The following ADAMTS18 variants were observed in gnomAD, a reference collection of about 807,000 sequenced individuals.
The protein encoded by ADAMTS18 is ADAM metallopeptidase with thrombospondin type 1 motif 18, also known as A disintegrin and metalloproteinase with thrombospondin motifs 18.
ADAMTS18 carries 157 observed loss-of-function variants against 165.9 expected under a neutral mutation model. That is an observed-to-expected ratio of 0.95 (90% confidence interval 0.83 to 1.08). The LOEUF (loss-of-function observed/expected upper bound fraction) is 1.08, where lower values mean the gene tolerates loss of function less well. Ranked by LOEUF, ADAMTS18 falls within the 50% of genes least tolerant of loss-of-function variation. The probability of loss-of-function intolerance (pLI) is 0.00; values close to 1 mark genes in which losing one functional copy is unlikely to be tolerated. For synonymous variants in ADAMTS18, 782 were observed against 578.2 expected (o/e 1.35, Z -5.06); for missense variants, 2,040 against 1,534.0 (o/e 1.33, Z -5.51).
chr16:77,363,750 T>G, intron 6 of ADAMTS18, 52 bp downstream of exon 6: 5 of 1,543,824 alleles, frequency 3.2e-6, no homozygotes, highest in Non-Finnish European at 3.6e-6. Context: ...GTTCAAGAAA[T>G]GTATTCTGAA....
At chr16:77,340,775 G>C (rs923258467) in intron 11 of ADAMTS18, among the ~76,000 whole-genome samples, 1 of 151,836 alleles carries the variant, frequency 6.6e-6, no homozygotes. Flanking sequence ...GTCTCGCTGT[G>C]TTACCTGTTC....
intron 9 of ADAMTS18, among the ~76,000 whole-genome samples, chr16:77,355,076 G>C (rs190783189): frequency 6.6e-6 from 1 of 152,024 alleles, no homozygotes; most frequent in East Asian, 1.9e-4. Context: ...ATACACAGTG[G>C]TACAGGTTAA....
intron 3 of ADAMTS18, among the ~76,000 whole-genome samples, chr16:77,417,969 A>G (rs939458179): frequency 1.3e-4 from 20 of 152,218 alleles, no homozygotes; most frequent in African/African-American, 4.8e-4. Flanking sequence ...GCAAAAGCCC[A>G]GAAACAGAAT....
chr16:77,342,327 A>G (rs1374546622), intron 10 of ADAMTS18, among the ~76,000 whole-genome samples: 3 of 152,254 alleles, frequency 2.0e-5, no homozygotes, highest in African/African-American at 4.8e-5. Flanking sequence ...TGCCTGGCAC[A>G]TGCAGTTCTC....
chr16:77,376,083 A>T (rs1265576621), intron 3 of ADAMTS18, among the ~76,000 whole-genome samples: 1 of 151,308 alleles, frequency 6.6e-6, no homozygotes, highest in African/African-American at 2.4e-5. Context: ...TTGTATTTTT[A>T]GTAAAGACGG....
At chr16:77,284,391 G>A (rs1417199763) in intron 22 of ADAMTS18, among the ~76,000 whole-genome samples, 1 of 152,104 alleles carries the variant, frequency 6.6e-6, no homozygotes, top group Admixed American at 6.6e-5. Flanking sequence ...GCCTCCCAAA[G>A]TACTGGGATT....
chr16:77,294,942 C>G lies in ADAMTS18; in HGVS notation c.2987G>C (p.Ser996Thr), dbSNP rs191328145. ...TGTTACCTGAGACCAGGGTCCAAGGCTCCATTGTGGAGGGCAGGCATGGCT... is the reference window on the plus strand; with the variant it reads ...TGTTACCTGAGACCAGGGTCCAAGGGTCCATTGTGGAGGGCAGGCATGGCT... ...CNSHACPPQW[S>T]LGPWSQCSKT... is the part of the protein sequence containing the mutation. Residue 996 changes from serine (S) to threonine (T), a missense_variant, in exon 19 of 23, where the codon AGC (serine) becomes ACC (threonine). Coordinates refer to ENST00000282849, the MANE Select transcript of ADAMTS18 (RefSeq NM_199355.4). The G allele has an allele frequency of 6.2e-7, 1 of 1,614,160 alleles. No individual in the cohort carries two copies. The highest frequency in any genetic ancestry group is 2.2e-5 in the East Asian group (1 of 44,872).
intron 21 of ADAMTS18, 99 bp from the exon 22 acceptor site, chr16:77,289,510 C>A: frequency 1.2e-5 from 17 of 1,410,732 alleles, no homozygotes; most frequent in Non-Finnish European, 1.7e-5. Flanking sequence ...AACAAGATGC[C>A]TGCTGATGAA....
In ADAMTS18 at chr16:77,282,925, T is replaced by TTTTTTTTTTTTTC. The variant is rs4038556; in HGVS notation, c.*1030_*1031insGAAAAAAAAAAAA. The TTTTTTTTTTTTTC allele has an allele frequency of 9.6e-5, 12 of 125,576 alleles. No homozygotes were observed. The highest frequency in any genetic ancestry group is 1.9e-4 in the Non-Finnish European group (11 of 56,636). 7.8% of individuals were successfully genotyped at this position (125,576 alleles called of 1,614,324 possible). A position where few individuals can be genotyped will look rare whatever the true frequency, so the allele number is the denominator to read the frequency against. ...TTCTCTCTTTTTTTTTTTTTTTTTT[T>TTTTTTTTTTTTTC]TGCTGTTAGCTCAATCCTAGGGCAA... On this transcript the variant is annotated 3_prime_UTR_variant, in exon 23 of 23. Transcript: ENST00000282849.
intron 3 of ADAMTS18, among the ~76,000 whole-genome samples, chr16:77,388,224 T>C (rs957147028): frequency 6.6e-6 from 1 of 152,150 alleles, no homozygotes; most frequent in African/African-American, 2.4e-5. Flanking sequence ...CTCAGCCTCC[T>C]GAGTCGCTGA....
chr16:77,423,473 T>C (rs117416474), intron 3 of ADAMTS18, among the ~76,000 whole-genome samples: 2,196 of 152,254 alleles, frequency 0.014, 34 homozygotes, highest in Non-Finnish European at 0.018. Flanking sequence ...ATAATATCAT[T>C]CTAACTATGC....
rs1597070785 is a variant in ADAMTS18 at position 77,283,831 on chromosome 16, C to T, written c.*125G>A. 9 of 754,238 alleles carry T rather than the reference C, an allele frequency of 1.2e-5. No individual in the cohort carries two copies. The highest frequency in any genetic ancestry group is 2.1e-5 in the Non-Finnish European group (9 of 428,182). The allele number at this position is 754,238 out of a possible 1,614,324, so 46.7% of individuals were successfully genotyped here. On this transcript the variant is annotated 3_prime_UTR_variant, in exon 23 of 23. Coordinates refer to ENST00000282849, the MANE Select transcript of ADAMTS18 (RefSeq NM_199355.4). The stretch of plus-strand genomic sequence containing the variant: ...ACCTGTCTGTTCCTCAGAGCAGGCT[C>T]CTTCATCACAGCGGCAGCTCACAGA...
intron 3 of ADAMTS18, among the ~76,000 whole-genome samples, chr16:77,388,500 G>A (rs949237675): frequency 3.9e-5 from 6 of 152,168 alleles, no homozygotes; most frequent in Non-Finnish European, 7.3e-5. Context: ...AAATGTGTGG[G>A]TTCAAATTCT....
intron 16 of ADAMTS18, among the ~76,000 whole-genome samples, chr16:77,317,361 A>C (rs1258224951): frequency 6.6e-6 from 1 of 151,978 alleles, no homozygotes; most frequent in Non-Finnish European, 1.5e-5. Flanking sequence ...ATGGAGTCTC[A>C]CTCACTCTTT....
intron 16 of ADAMTS18, among the ~76,000 whole-genome samples, chr16:77,314,649 G>GTGTATA (rs10527824): frequency 1.4e-3 from 179 of 126,496 alleles, no homozygotes; most frequent in African/African-American, 5.2e-3. Context: ...GTGTGTGTGT[G>GTGTATA]TATATATATA....
chr16:77,353,801 C>G lies in ADAMTS18; in HGVS notation c.1546G>C (p.Asp516His). ...YPDKLPGQIYDADTQCKWQFG... is the reference protein window; with the variant it reads ...YPDKLPGQIYHADTQCKWQFG... ...TGCCATTTACACTGTGTGTCAGCATCATAAATCTGTCCTGGTAGTTTGTCC... is the reference window on the plus strand; with the variant it reads ...TGCCATTTACACTGTGTGTCAGCATGATAAATCTGTCCTGGTAGTTTGTCC... The change falls in exon 10 of 23, where the codon GAT (aspartate) becomes CAT (histidine). Residue 516 changes from aspartate to histidine, a missense_variant. Transcript: ENST00000282849. 1.2e-6 allele frequency: 2 copies of G among 1,614,176 alleles called. No individual in the cohort carries two copies. Among genetic ancestry groups the G allele is most frequent in the Non-Finnish European group, 1.7e-6 (2 of 1,180,022 alleles).
intron 3 of ADAMTS18, among the ~76,000 whole-genome samples, chr16:77,374,479 A>T (rs1459336214): frequency 6.6e-6 from 1 of 152,166 alleles, no homozygotes; most frequent in Non-Finnish European, 1.5e-5. Flanking sequence ...ATTCTCTGAG[A>T]AGGACCCTCT....
At chr16:77,340,261 G>A (rs182727919) in intron 11 of ADAMTS18, among the ~76,000 whole-genome samples, 84 of 152,258 alleles carry the variant, frequency 5.5e-4, no homozygotes, top group African/African-American at 1.9e-3. Flanking sequence ...TGCAACCTCT[G>A]CCTCCAGGAT....
At chr16:77,390,724 C>T (rs2057175328) in intron 3 of ADAMTS18, among the ~76,000 whole-genome samples, 1 of 151,886 alleles carries the variant, frequency 6.6e-6, no homozygotes, top group Non-Finnish European at 1.5e-5. Flanking sequence ...AAGAATCACC[C>T]AGCCCTGATG....
Sources: gnomAD v4.1 joint callset for allele counts (sites outside exome capture counted in the v4.1 genomes callset) on GRCh38, gnomAD v4.1.1 for gene constraint, MANE v1.5 for transcripts, NCBI Gene and HGNC (gene_info 2026-07-23, HGNC 2026-07-21) for gene names.